The following ANXA6 variants were observed in gnomAD, a reference collection of about 807,000 sequenced individuals.
ANXA6 encodes 67 kDa calelectrin.
ANXA6 carries 71 observed loss-of-function variants against 95.4 expected under a neutral mutation model. The observed-to-expected ratio is 0.74, with a 90% CI of 0.61 to 0.91. ANXA6 has a LOEUF of 0.91. ANXA6 is among the 40% of genes least tolerant of loss of function. The pLI is 0.00. For missense variants in ANXA6, 830 were observed against 876.4 expected (o/e 0.95, Z 0.67); for synonymous variants, 289 against 315.9 (o/e 0.91, Z 0.90).
intron 10 of ANXA6, among the ~76,000 whole-genome samples, chr5:151,131,568 A>G (rs1335831897): frequency 6.6e-6 from 1 of 152,164 alleles, no homozygotes; most frequent in African/African-American, 2.4e-5. Flanking sequence ...TTAACAGGGA[A>G]TTGAGCTGGG....
At chr5:151,108,576 T>C in intron 22 of ANXA6, 26 bp from the exon 23 acceptor site, 1 of 1,606,240 alleles carries the variant, frequency 6.2e-7, no homozygotes, top group Non-Finnish European at 8.5e-7. Context: ...GCCCCAGAGG[T>C]GGGGGTGAGC....
At position 151,104,372 on chromosome 5, in the gene ANXA6, C is replaced by T. The variant is rs567854015; in HGVS notation, c.1840-680G>A. Among the ~76,000 whole-genome samples the T allele has an allele frequency of 5.9e-5, 9 of 152,358 alleles. No individual in the cohort carries two copies. In the East Asian group the frequency reaches 1.2e-3, roughly 20 times the overall value. ...GTGTGGGCAGCCAGAGCTGCCTCTG[C>T]CCCCAGGGAGCGACAAGCACCAGCC... On this transcript the variant is annotated intron_variant, in intron 24 of 25. Transcript: ENST00000354546.
intron 16 of ANXA6, 42 bp downstream of exon 16, chr5:151,122,875 G>A (rs751089923): frequency 6.4e-7 from 1 of 1,563,068 alleles, no homozygotes; most frequent in East Asian, 2.2e-5. Context: ...ATCAGGCAAG[G>A]TGCATGCATG....
intron 13 of ANXA6, 120 bp downstream of exon 13, chr5:151,128,061 G>T: frequency 2.3e-6 from 2 of 860,136 alleles, no homozygotes; most frequent in Non-Finnish European, 3.7e-6. Flanking sequence ...CTTGTGCGAC[G>T]CTCCTGGCTC....
In ANXA6 at chr5:151,120,228, C is replaced by T. The variant is rs557484626; in HGVS notation, c.1348-838G>A. 2.6e-5 allele frequency among the ~76,000 whole-genome samples: 4 copies of T among 152,150 alleles called. No individual in the cohort carries two copies. The East Asian group carries it at 7.7e-4, about 29-fold the overall frequency. ...AGGCGTTACATGCCCTGGACTAAGG[C>T]AGGCTGGGGACCTGTCATGCAAAGA... On this transcript the variant is annotated intron_variant, in intron 17 of 25. Coordinates refer to ENST00000354546, the MANE Select transcript of ANXA6 (RefSeq NM_001155.5).
At chr5:151,123,505 T>G (rs552477231) in intron 15 of ANXA6, among the ~76,000 whole-genome samples, 2 of 152,302 alleles carry the variant, frequency 1.3e-5, no homozygotes, top group South Asian at 4.1e-4. Context: ...CTGGAAGGCA[T>G]TAGAATATCA....
At position 151,129,426 on chromosome 5, in the gene ANXA6, G is replaced by A; in HGVS notation, c.899C>T (p.Ser300Phe). Residue 300 changes from serine (S) to phenylalanine (F), a missense_variant, in exon 12 of 26, where the codon TCC becomes TTC. Ser to Phe is a radical substitution (Grantham distance 155, BLOSUM62 -2). Transcript: ENST00000354546. Reference sequence around the variant, plus strand: ...GCTGACCTTGATCATGCTGTAGAGGGACTTCTCATACTTGGTCCGGAAGAT... The same window carrying A: ...GCTGACCTTGATCATGCTGTAGAGGAACTTCTCATACTTGGTCCGGAAGAT... Reference protein sequence around the residue: ...REIFRTKYEKSLYSMIKNDTS... With the variant: ...REIFRTKYEKFLYSMIKNDTS... 5 of 1,613,412 alleles carry A rather than the reference G, an allele frequency of 3.1e-6. No homozygotes were observed. The highest frequency in any genetic ancestry group is 4.2e-6 in the Non-Finnish European group (5 of 1,179,854).
At position 151,113,432 on chromosome 5, in the gene ANXA6, T is replaced by C. The variant is rs533959942; in HGVS notation, c.1573-2788A>G. Among the ~76,000 whole-genome samples, 54 of 152,252 alleles carry C rather than the reference T, an allele frequency of 3.5e-4. No individual in the cohort carries two copies. In the Middle Eastern group the frequency reaches 0.01, roughly 29 times the overall value. On this transcript the variant is annotated intron_variant, in intron 20 of 25. Coordinates refer to ENST00000354546, the MANE Select transcript of ANXA6 (RefSeq NM_001155.5). ...AAATAAATATATAAAATGATTAATA[T>C]GGTAAAGTTGATATGTATTTTATCA... is the stretch of plus-strand genomic sequence containing the variant.
intron 1 of ANXA6, chr5:151,155,148 T>C (rs971291293): frequency 6.6e-6 from 1 of 152,212 alleles, no homozygotes; most frequent in Non-Finnish European, 1.5e-5. Context: ...AGTTTCCATG[T>C]CTGCAAAATA....
At chr5:151,115,730 C>G (rs542559034) in intron 20 of ANXA6, among the ~76,000 whole-genome samples, 1 of 152,334 alleles carries the variant, frequency 6.6e-6, no homozygotes, top group East Asian at 1.9e-4. Flanking sequence ...CTCAGCCTAA[C>G]CCCCATCCAT....
intron 13 of ANXA6, among the ~76,000 whole-genome samples, chr5:151,127,405 C>T (rs1361643524): frequency 6.6e-6 from 1 of 152,204 alleles, no homozygotes; most frequent in Non-Finnish European, 1.5e-5. Flanking sequence ...TGGGAAGAGG[C>T]CCCCAGGCCC....
intron 2 of ANXA6, among the ~76,000 whole-genome samples, chr5:151,147,000 T>C (rs542623366): frequency 2.2e-4 from 33 of 152,300 alleles, no homozygotes; most frequent in African/African-American, 7.5e-4. Flanking sequence ...GTCGAAATCC[T>C]GCGCTCAAGT....
intron 2 of ANXA6, among the ~76,000 whole-genome samples, chr5:151,142,553 T>G (rs1765865764): frequency 6.6e-6 from 1 of 151,964 alleles, no homozygotes; most frequent in South Asian, 2.1e-4. Context: ...TTAAAGACCT[T>G]TTAGTTCAGC....
intron 2 of ANXA6, chr5:151,141,555 C>T: frequency 3.0e-6 from 3 of 985,484 alleles, no homozygotes; most frequent in Non-Finnish European, 3.6e-6. Context: ...AGAGGTGGAG[C>T]AGAGTGAGTC....
intron 21 of ANXA6, among the ~76,000 whole-genome samples, chr5:151,110,059 C>T (rs920381190): frequency 2.0e-5 from 3 of 152,152 alleles, no homozygotes; most frequent in African/African-American, 4.8e-5. Context: ...TGTGAACTGA[C>T]AAAGATGGCC....
chr5:151,131,192 C>T (rs1346595191), intron 11 of ANXA6, 39 bp downstream of exon 11: 5 of 1,608,596 alleles, frequency 3.1e-6, no homozygotes, highest in Non-Finnish European at 1.7e-6. Flanking sequence ...CCCAATAGTC[C>T]TCTCCCCAAA....
intron 11 of ANXA6, 144 bp downstream of exon 11, chr5:151,131,087 T>G (rs1010230305): frequency 3.4e-5 from 26 of 770,658 alleles, no homozygotes; most frequent in Admixed American, 1.8e-4. Context: ...GCTCTACAGC[T>G]CACCTGCGAC....
chr5:151,123,576 A>G lies in ANXA6; in HGVS notation c.1139-565T>C, dbSNP rs74445583. 1.7e-3 allele frequency among the ~76,000 whole-genome samples: 259 copies of G among 152,278 alleles called. 1 individual carries two copies. Among genetic ancestry groups the G allele is most frequent in the African/African-American group, 6.0e-3 (249 of 41,550 alleles). ...ACCCAGCACAGGGGTCTTTCATGGC[A>G]TTTTTACCTCTAGCATCCTACAGTC... is the stretch of plus-strand genomic sequence containing the variant. On this transcript the variant is annotated intron_variant, in intron 15 of 25. Coordinates refer to ENST00000354546, the MANE Select transcript of ANXA6 (RefSeq NM_001155.5).
chr5:151,110,764 G>T, intron 20 of ANXA6, 120 bp from the exon 21 acceptor site: 1 of 1,065,586 alleles, frequency 9.4e-7, no homozygotes, highest in Non-Finnish European at 1.4e-6. Flanking sequence ...AGTGGGAGAG[G>T]TCCCAAGAGA....
Sources: gnomAD v4.1 joint callset for allele counts (sites outside exome capture counted in the v4.1 genomes callset) on GRCh38, gnomAD v4.1.1 for gene constraint, MANE v1.5 for transcripts, NCBI Gene and HGNC (gene_info 2026-07-23, HGNC 2026-07-21) for gene names.